The following TNRC6B variants were observed in gnomAD, a reference collection of about 807,000 sequenced individuals.
TNRC6B encodes trinucleotide repeat-containing gene 6B protein.
In TNRC6B, 52 loss-of-function variants were observed where a neutral mutation model predicts 203.6. The ratio of observed to expected loss-of-function variants is 0.26; its 90% confidence interval spans 0.20 to 0.32. TNRC6B has a LOEUF of 0.32. Ranked by LOEUF, TNRC6B falls within the 10% of genes least tolerant of loss-of-function variation. TNRC6B has a pLI of 1.00. For synonymous variants in TNRC6B, 838 were observed against 845.7 expected (o/e 0.99, Z 0.16); for missense variants, 1,923 against 2,286.2 (o/e 0.84, Z 3.24).
intron 1 of TNRC6B, among the ~76,000 whole-genome samples, chr22:40,080,831 T>C (rs1049014765): frequency 2.0e-5 from 3 of 147,262 alleles, no homozygotes; most frequent in African/African-American, 8.0e-5. Context: ...ACTTTCTTTC[T>C]TTTTTGTTTT....
chr22:40,209,160 C>T (rs2069525672), intron 1 of TNRC6B, among the ~76,000 whole-genome samples: 1 of 152,148 alleles, frequency 6.6e-6, no homozygotes, highest in Admixed American at 6.6e-5. Flanking sequence ...TTTAATTTTG[C>T]TGTTCCTAAT....
intron 2 of TNRC6B, among the ~76,000 whole-genome samples, chr22:40,124,809 T>G (rs553615022): frequency 9.9e-5 from 15 of 152,002 alleles, no homozygotes; most frequent in Admixed American, 3.3e-4. Context: ...GGTCAGGAGT[T>G]CAAGACCAGT....
chr22:40,249,211 G>A (rs895760098), intron 2 of TNRC6B, among the ~76,000 whole-genome samples: 6 of 152,092 alleles, frequency 3.9e-5, no homozygotes, highest in African/African-American at 7.2e-5. Flanking sequence ...GGTTTTATTC[G>A]TATTTGTATG....
In TNRC6B at chr22:40,064,686, G is replaced by A. The variant is rs1165635067; in HGVS notation, c.-121+19688G>A. 4.0e-5 allele frequency among the ~76,000 whole-genome samples: 6 copies of A among 150,018 alleles called. No individual in the cohort carries two copies. The East Asian group carries it at 9.8e-4, about 24-fold the overall frequency. ...GGTGGAAGTGTAGTGGCACGATCTC[G>A]GCTCACTGCAACCTCTGGCTCCTGG... On this transcript the variant is annotated intron_variant, in intron 1 of 23. Coordinates refer to the TNRC6B transcript ENST00000301923.
intron 15 of TNRC6B, among the ~76,000 whole-genome samples, chr22:40,304,261 A>G (rs1380773905): frequency 1.3e-5 from 2 of 152,230 alleles, no homozygotes; most frequent in Non-Finnish European, 2.9e-5. Context: ...CTGCTTAACT[A>G]ATCCTTACTG....
upstream of TNRC6B, among the ~76,000 whole-genome samples, chr22:40,173,343 C>T (rs758551705): frequency 1.3e-5 from 2 of 151,656 alleles, no homozygotes; most frequent in South Asian, 2.1e-4. Flanking sequence ...GATCCACCCT[C>T]GGCCTCCCAA....
At chr22:40,237,094 G>C (rs1410499586) in intron 1 of TNRC6B, among the ~76,000 whole-genome samples, 6 of 152,194 alleles carry the variant, frequency 3.9e-5, no homozygotes, top group Admixed American at 3.3e-4. Context: ...GAACCTGGGA[G>C]GCGGAGGCTG....
At chr22:40,286,578 A>G (rs2070785992) in intron 12 of TNRC6B, among the ~76,000 whole-genome samples, 1 of 152,198 alleles carries the variant, frequency 6.6e-6, no homozygotes, top group Admixed American at 6.5e-5. Flanking sequence ...CTGTATGCCA[A>G]CATAGCAATT....
At chr22:40,243,757 G>A (rs2070064737) in intron 1 of TNRC6B, among the ~76,000 whole-genome samples, 1 of 151,998 alleles carries the variant, frequency 6.6e-6, no homozygotes, top group African/African-American at 2.4e-5. Flanking sequence ...GCTAATTTGT[G>A]TGTTTTTAGT....
intron 1 of TNRC6B, among the ~76,000 whole-genome samples, chr22:40,110,543 G>C (rs559253040): frequency 2.0e-5 from 3 of 152,184 alleles, no homozygotes; most frequent in African/African-American, 7.2e-5. Context: ...AGCCTTTTCT[G>C]TTAAAGAATT....
intron 1 of TNRC6B, among the ~76,000 whole-genome samples, chr22:40,225,417 T>C (rs2069769491): frequency 6.6e-6 from 1 of 152,190 alleles, no homozygotes; most frequent in African/African-American, 2.4e-5. Context: ...TAAGAGAACC[T>C]GAAGTGTCCT....
Position 40,335,435 on chromosome 22 carries a change from A to T in TNRC6B, c.*12194A>T, listed in dbSNP as rs1303754209. The T allele has an allele frequency of 6.7e-6, 1 of 149,392 alleles. No homozygotes were observed. The highest frequency in any genetic ancestry group is 2.5e-5 in the African/African-American group (1 of 40,514). 9.3% of individuals were successfully genotyped at this position (149,392 alleles called of 1,614,324 possible). On this transcript the variant is annotated 3_prime_UTR_variant, in exon 23 of 23. Coordinates refer to ENST00000454349, the MANE Select transcript of TNRC6B (RefSeq NM_001162501.2). ...AGCTGAAAAGTTGCATTTTATGTGT[A>T]TTTTTTGCCATAGCAGGTACTGTAT... is the stretch of plus-strand genomic sequence containing the variant.
At chr22:40,247,321 GGT>G (rs1202271109) in intron 2 of TNRC6B, among the ~76,000 whole-genome samples, 2 of 152,170 alleles carry the variant, frequency 1.3e-5, no homozygotes, top group Non-Finnish European at 2.9e-5. Flanking sequence ...ACTGTGATAA[GGT>G]TCAGAGGAAA....
At chr22:40,076,670 T>A (rs2068016864) in intron 1 of TNRC6B, among the ~76,000 whole-genome samples, 1 of 152,156 alleles carries the variant, frequency 6.6e-6, no homozygotes, top group Admixed American at 6.5e-5. Context: ...CTCAAAGTGG[T>A]GTGAGCCACC....
chr22:40,276,809 T>C (rs376944138), intron 7 of TNRC6B: 12 of 290,442 alleles, frequency 4.1e-5, no homozygotes, highest in African/African-American at 1.1e-4. Context: ...CAGACTTCTT[T>C]CTATTTGAAA....
chr22:40,139,123 C>A (rs1051224751), intron 3 of TNRC6B, among the ~76,000 whole-genome samples: 2 of 152,158 alleles, frequency 1.3e-5, no homozygotes, highest in African/African-American at 4.8e-5. Context: ...CAGGCACAGG[C>A]AACCACTAAT....
At chr22:40,174,026 T>C (rs1174975931), upstream of TNRC6B, among the ~76,000 whole-genome samples, 1 of 151,218 alleles carries the variant, frequency 6.6e-6, no homozygotes, top group Non-Finnish European at 1.5e-5. Context: ...CTTGAACTCC[T>C]GACCTCAGGT....
intron 1 of TNRC6B, among the ~76,000 whole-genome samples, chr22:40,241,908 T>G (rs931643917): frequency 6.6e-6 from 1 of 152,252 alleles, no homozygotes; most frequent in Non-Finnish European, 1.5e-5. Flanking sequence ...TTGTTCCAGA[T>G]TTAGCTTGTA....
At chr22:40,198,816 C>T (rs11912569) in intron 1 of TNRC6B, among the ~76,000 whole-genome samples, 4,364 of 152,152 alleles carry the variant, frequency 0.029, 206 homozygotes, top group African/African-American at 0.1. Context: ...TGTGTGTGCA[C>T]ATACATACGC....
Sources: gnomAD v4.1 joint callset for allele counts (sites outside exome capture counted in the v4.1 genomes callset) on GRCh38, gnomAD v4.1.1 for gene constraint, MANE v1.5 for transcripts, NCBI Gene and HGNC (gene_info 2026-07-23, HGNC 2026-07-21) for gene names.